Variants in AJAP1 observed in about 807,000 individuals in gnomAD.
AJAP1 encodes adherens junction-associated protein 1.
Under a neutral mutation model 35.0 loss-of-function variants are expected in AJAP1, and 5 were observed. That is an observed-to-expected ratio of 0.14 (90% CI 0.07 to 0.30). The LOEUF is 0.30. Ranked by LOEUF, AJAP1 falls within the 10% of genes least tolerant of loss-of-function variation. The pLI, the probability that AJAP1 is intolerant of heterozygous loss-of-function variation, is 1.00. For synonymous variants in AJAP1, 284 were observed against 249.3 expected, an observed-to-expected ratio of 1.14 and a Z score of -1.31; for missense variants, 586 against 571.0, an observed-to-expected ratio of 1.03 and a Z score of -0.27.
At chr1:4,705,442 T>A (rs1427220046) in intron 1 of AJAP1, among the ~76,000 whole-genome samples, 6 of 99,922 alleles carry the variant, frequency 6.0e-5, no homozygotes, top group Non-Finnish European at 1.1e-4. Context: ...TGAGTACTCC[T>A]CCCCCTCCAA....
At chr1:4,671,190 A>G (rs12141432) in intron 1 of AJAP1, among the ~76,000 whole-genome samples, 31,562 of 152,018 alleles carry the variant, frequency 0.21, 4,182 homozygotes, top group Middle Eastern at 0.38. Flanking sequence ...CCAACATGGT[A>G]AAACCCTGTC....
intron 2 of AJAP1, among the ~76,000 whole-genome samples, chr1:4,756,555 T>G (rs1641437174): frequency 6.6e-6 from 1 of 152,206 alleles, no homozygotes; most frequent in Non-Finnish European, 1.5e-5. Context: ...ATGGCTGGAT[T>G]TGGAGGGCCT....
Position 4,654,762 on chromosome 1 carries a change from C to T in AJAP1, c.-664C>T, listed in dbSNP as rs1261413393. The T allele has an allele frequency of 1.3e-5, 2 of 149,372 alleles. No individual in the cohort carries two copies. The highest frequency in any genetic ancestry group is 3.0e-5 in the Non-Finnish European group (2 of 67,218). The allele number at this position is 149,372 out of a possible 1,614,324, so 9.3% of individuals were successfully genotyped here. ...CCCGCGCTCCACGGCGCCCTCGCCC[C>T]GCGCGCCTCTCGTGCCCGCCTCCTG... is the stretch of plus-strand genomic sequence containing the variant. On this transcript the variant is annotated 5_prime_UTR_variant, in exon 1 of 6. Transcript: ENST00000378191. This position sits in a 1 kb window ranked among gnomAD's most constrained non-coding sequence, Gnocchi z 5.1.
chr1:4,740,061 A>C (rs72638877), intron 2 of AJAP1, among the ~76,000 whole-genome samples: 6 of 152,088 alleles, frequency 3.9e-5, no homozygotes, highest in Non-Finnish European at 7.4e-5. Context: ...AGATGTGCGC[A>C]TACCCATGTT....
In AJAP1 at chr1:4,785,503, G is replaced by T. The variant is rs908385502; in HGVS notation, c.*3018G>T. ...GGAGATAATGAGTGAAAGTGACTGG[G>T]CCTCGGAAATGCAGCCCCACCCACG... On this transcript the variant is annotated 3_prime_UTR_variant, in exon 6 of 6. Coordinates refer to ENST00000378191, the MANE Select transcript of AJAP1 (RefSeq NM_018836.4). 13 of 152,264 alleles carry T rather than the reference G, an allele frequency of 8.5e-5. No homozygotes were observed. Among genetic ancestry groups the T allele is most frequent in the African/African-American group, 3.1e-4 (13 of 41,538 alleles). 9.4% of individuals were successfully genotyped at this position (152,264 alleles called of 1,614,324 possible). A position where few individuals can be genotyped will look rare whatever the true frequency, so the allele number is the denominator to read the frequency against.
chr1:4,676,042 CCT>C (rs1214322315), intron 1 of AJAP1, among the ~76,000 whole-genome samples: 2 of 152,178 alleles, frequency 1.3e-5, no homozygotes, highest in Non-Finnish European at 2.9e-5. Flanking sequence ...GCAGGGACGG[CCT>C]CTCTCTAGGT....
intron 1 of AJAP1, among the ~76,000 whole-genome samples, chr1:4,695,040 T>C (rs1333841088): frequency 6.6e-6 from 1 of 151,926 alleles, no homozygotes; most frequent in Admixed American, 6.6e-5. Flanking sequence ...ACACTGGGGG[T>C]ACTTTGGCCG....
chr1:4,717,240 G>A (rs542160178), intron 2 of AJAP1, among the ~76,000 whole-genome samples: 2 of 152,220 alleles, frequency 1.3e-5, no homozygotes, highest in Non-Finnish European at 2.9e-5. Flanking sequence ...CCCACTGTGG[G>A]AATACCTGGG....
At chr1:4,766,284 A>G (rs1309552073) in intron 2 of AJAP1, among the ~76,000 whole-genome samples, 3 of 152,090 alleles carry the variant, frequency 2.0e-5, no homozygotes, top group African/African-American at 7.2e-5. Flanking sequence ...AGCCTAAAAT[A>G]TTTACTATCT....
chr1:4,695,613 G>T (rs918413684), intron 1 of AJAP1, among the ~76,000 whole-genome samples: 6 of 152,174 alleles, frequency 3.9e-5, no homozygotes, highest in Non-Finnish European at 8.8e-5. Flanking sequence ...AGTTTCGAAG[G>T]TGGAAGTCCA....
intron 2 of AJAP1, among the ~76,000 whole-genome samples, chr1:4,754,460 G>C (rs1641384266): frequency 6.6e-6 from 1 of 152,176 alleles, no homozygotes; most frequent in African/African-American, 2.4e-5. Context: ...ACTATGTGGA[G>C]AGAAAGTGAG....
Position 4,693,979 on chromosome 1 carries a change from C to T in AJAP1, c.30-17921C>T, listed in dbSNP as rs978154604. ...GGGACACTCCAGCCCACTGCAGTGCCGGGAAAAGTGAGGCCTCATTCACAA... is the reference window on the plus strand; with the variant it reads ...GGGACACTCCAGCCCACTGCAGTGCTGGGAAAAGTGAGGCCTCATTCACAA... On this transcript the variant is annotated intron_variant, in intron 1 of 5. Coordinates refer to ENST00000378191, the MANE Select transcript of AJAP1 (RefSeq NM_018836.4). This position sits in a 1 kb window ranked among gnomAD's most constrained non-coding sequence, Gnocchi z 4.4. Among the ~76,000 whole-genome samples the T allele has an allele frequency of 1.4e-4, 21 of 152,162 alleles. No individual in the cohort carries two copies. Among genetic ancestry groups the T allele is most frequent in the Middle Eastern group, 3.2e-3 (1 of 316 alleles).
chr1:4,665,330 A>G (rs750147999), intron 1 of AJAP1, among the ~76,000 whole-genome samples: 1 of 152,168 alleles, frequency 6.6e-6, no homozygotes, highest in Non-Finnish European at 1.5e-5. Context: ...ATGCTGTGGC[A>G]TTACACTGTG....
At chr1:4,749,076 C>T (rs1183755101) in intron 2 of AJAP1, among the ~76,000 whole-genome samples, 1 of 152,190 alleles carries the variant, frequency 6.6e-6, no homozygotes, top group Non-Finnish European at 1.5e-5. Context: ...CCCCAGCATG[C>T]CAGGGCCCTG....
chr1:4,713,271 C>A (rs547648552), intron 2 of AJAP1, among the ~76,000 whole-genome samples: 1 of 152,272 alleles, frequency 6.6e-6, no homozygotes, highest in African/African-American at 2.4e-5. Context: ...GAACTTCCTG[C>A]GGTGTTAACA....
intron 1 of AJAP1, among the ~76,000 whole-genome samples, chr1:4,667,362 C>T (rs1639152902): frequency 6.6e-6 from 1 of 152,202 alleles, no homozygotes; most frequent in Non-Finnish European, 1.5e-5. Flanking sequence ...CAACCAGCCA[C>T]CTGCCCCTGC....
intron 1 of AJAP1, among the ~76,000 whole-genome samples, chr1:4,679,654 T>TGCA (rs1639433038): frequency 6.6e-6 from 1 of 152,198 alleles, no homozygotes; most frequent in Non-Finnish European, 1.5e-5. Flanking sequence ...TGGTGGTTGC[T>TGCA]GGCAGTCCTT....
chr1:4,701,261 C>T lies in AJAP1; in HGVS notation c.30-10639C>T, dbSNP rs116395164. On this transcript the variant is annotated intron_variant, in intron 1 of 5. Transcript: ENST00000378191. ...AAAGAACCAGGCTTAAAATATGCAC[C>T]GTCTAGTCTCCCGCACACCCCTGCC... is the stretch of plus-strand genomic sequence containing the variant. Among the ~76,000 whole-genome samples the T allele has an allele frequency of 3.8e-3, 586 of 152,280 alleles. 3 individuals are homozygous for T. Among genetic ancestry groups the T allele is most frequent in the African/African-American group, 0.013 (556 of 41,558 alleles).
At chr1:4,721,890 GA>G (rs1402747832) in intron 2 of AJAP1, among the ~76,000 whole-genome samples, 8 of 152,224 alleles carry the variant, frequency 5.3e-5, no homozygotes, top group Non-Finnish European at 7.3e-5. Context: ...ACATGCAAAG[GA>G]GAGTAATTTA....
Sources: allele counts gnomAD v4.1 joint callset (sites outside exome capture counted in the v4.1 genomes callset), GRCh38; gene constraint gnomAD v4.1.1; non-coding constraint Gnocchi (gnomAD v3.1); transcripts MANE v1.5; gene names NCBI Gene and HGNC (gene_info 2026-07-23, HGNC 2026-07-21).